CAMK2B: variants seen among roughly 807,000 people sequenced by gnomAD.
CAMK2B encodes the protein calcium/calmodulin dependent protein kinase II beta.
CAMK2B carries 27 observed loss-of-function variants against 93.7 expected under a neutral mutation model. The observed-to-expected ratio is 0.29, with a 90% confidence interval of 0.21 to 0.40. The LOEUF is 0.40. Ranked by LOEUF, CAMK2B falls within the 10% of genes least tolerant of loss-of-function variation. The pLI is 1.00. For missense variants in CAMK2B, 568 were observed against 895.8 expected, an observed-to-expected ratio of 0.63 and a Z score of 4.67; for synonymous variants, 374 against 358.8, an observed-to-expected ratio of 1.04 and a Z score of -0.48.
At chr7:44,237,318 G>C (rs1007035116) in intron 13 of CAMK2B, among the ~76,000 whole-genome samples, 4 of 152,202 alleles carry the variant, frequency 2.6e-5, no homozygotes, top group Non-Finnish European at 5.9e-5. Flanking sequence ...TACTGGAGAT[G>C]TACCACAGCA....
At chr7:44,297,862 G>A (rs1045338801) in intron 1 of CAMK2B, among the ~76,000 whole-genome samples, 1 of 152,228 alleles carries the variant, frequency 6.6e-6, no homozygotes, top group Non-Finnish European at 1.5e-5. Flanking sequence ...AGTGCCTCAC[G>A]TCTGTAATCC....
intron 1 of CAMK2B, among the ~76,000 whole-genome samples, chr7:44,302,405 G>T (rs994157468): frequency 2.0e-5 from 3 of 152,076 alleles, no homozygotes; most frequent in Non-Finnish European, 4.4e-5. Context: ...ATTCTATGAG[G>T]CTAGCATTAC....
At chr7:44,318,084 C>T (rs1417003145) in intron 1 of CAMK2B, among the ~76,000 whole-genome samples, 1 of 152,224 alleles carries the variant, frequency 6.6e-6, no homozygotes, top group Non-Finnish European at 1.5e-5. Flanking sequence ...CTGCTCCTAA[C>T]CAGACTCCTA....
At chr7:44,282,930 G>A (rs953639081) in intron 2 of CAMK2B, among the ~76,000 whole-genome samples, 5 of 152,230 alleles carry the variant, frequency 3.3e-5, no homozygotes, top group African/African-American at 4.8e-5. Flanking sequence ...AAGGCTGCTG[G>A]TGGTGCCCTG....
chr7:44,221,461 AGGCC>A (rs1225524544), intron 20 of CAMK2B, among the ~76,000 whole-genome samples: 2 of 149,842 alleles, frequency 1.3e-5, no homozygotes, highest in Non-Finnish European at 2.9e-5. Context: ...GGCCACCCGG[AGGCC>A]GGGGAGGAGG....
chr7:44,226,392 C>G (rs2096478760), intron 20 of CAMK2B, 124 bp downstream of exon 20: 1 of 767,960 alleles, frequency 1.3e-6, no homozygotes, highest in Non-Finnish European at 1.9e-6. Context: ...TGGGACCCAG[C>G]AGAGGGATCC....
intron 11 of CAMK2B, 112 bp downstream of exon 11, chr7:44,241,588 G>A (rs2096679213): frequency 2.6e-6 from 2 of 783,056 alleles, no homozygotes; most frequent in Non-Finnish European, 4.4e-6. Flanking sequence ...AGTCAGTCTT[G>A]GGGGCAGCAG....
chr7:44,256,288 C>T (rs1244930833), intron 4 of CAMK2B, among the ~76,000 whole-genome samples: 1 of 152,236 alleles, frequency 6.6e-6, no homozygotes, highest in African/African-American at 2.4e-5. Context: ...CACGTGTTCA[C>T]ATGTGTGGAT....
At chr7:44,262,850 G>A (rs1208271452) in intron 3 of CAMK2B, among the ~76,000 whole-genome samples, 155 bp downstream of exon 3, 2 of 152,222 alleles carry the variant, frequency 1.3e-5, no homozygotes, top group Non-Finnish European at 2.9e-5. Flanking sequence ...GGGGAGAAGA[G>A]GGGGCGTCCT....
intron 18 of CAMK2B, 26 bp from the exon 19 acceptor site, chr7:44,228,950 A>T (rs372812560): frequency 3.6e-4 from 572 of 1,606,002 alleles, no homozygotes; most frequent in Non-Finnish European, 4.6e-4. Flanking sequence ...TGAGACGTGA[A>T]CATGAGGCAG....
chr7:44,316,115 G>A (rs939239996), intron 1 of CAMK2B, among the ~76,000 whole-genome samples: 1 of 152,142 alleles, frequency 6.6e-6, no homozygotes, highest in Non-Finnish European at 1.5e-5. Context: ...GGAAAGAGCA[G>A]ATACATTCAG....
At position 44,230,997 on chromosome 7, in the gene CAMK2B, T is replaced by C; in HGVS notation, c.1225+9A>G. On this transcript the variant is annotated intron_variant, in intron 17 of 23. Coordinates refer to ENST00000395749, the MANE Select transcript of CAMK2B (RefSeq NM_001220.5). ...GCCGCTGGGGGGGCAAGGACTCAAG[T>C]GCAGGTACCTTTAGCGTCTTCATCC... The C allele has an allele frequency of 1.3e-6, 2 of 1,552,838 alleles. No individual in the cohort carries two copies. Among genetic ancestry groups the C allele is most frequent in the Non-Finnish European group, 1.7e-6 (2 of 1,147,790 alleles).
At chr7:44,275,644 C>T (rs1052079157) in intron 2 of CAMK2B, among the ~76,000 whole-genome samples, 6 of 152,230 alleles carry the variant, frequency 3.9e-5, no homozygotes, top group East Asian at 1.9e-4. Context: ...GTGTGTCCCA[C>T]GCAATTTGGG....
At chr7:44,290,791 G>A (rs1362435530) in intron 1 of CAMK2B, among the ~76,000 whole-genome samples, 1 of 152,092 alleles carries the variant, frequency 6.6e-6, no homozygotes, top group African/African-American at 2.4e-5. Flanking sequence ...AGGTTGTTGT[G>A]GGTTTTTTCT....
intron 18 of CAMK2B, 78 bp from the exon 19 acceptor site, chr7:44,229,002 G>C: frequency 7.2e-7 from 1 of 1,389,310 alleles, no homozygotes; most frequent in Non-Finnish European, 1.0e-6. Flanking sequence ...AGGCCAGTGG[G>C]AGGGGTCCCG....
Position 44,228,863 on chromosome 7 carries a change from C to A in CAMK2B, c.1401G>T (p.Glu467Asp), listed in dbSNP as rs1466230358. ...VRRGSGTPEA[E>D]GPLSAGPPPC... ...GCGGGGGCCCCGCTGAGAGGGGGCC[C>A]TCGGCTTCTGGGGTTCCTGAACCCC... is the stretch of plus-strand genomic sequence containing the variant. Residue 467 changes from glutamate (E) to aspartate (D), a missense_variant, in exon 19 of 24, where the codon GAG becomes GAT. Glu to Asp is a conservative substitution (Grantham distance 45). Coordinates refer to ENST00000395749, the MANE Select transcript of CAMK2B (RefSeq NM_001220.5). 3 of 1,542,054 alleles carry A rather than the reference C, an allele frequency of 1.9e-6. No individual in the cohort carries two copies. The South Asian group carries it at 3.7e-5, about 19-fold the overall frequency.
Position 44,229,422 on chromosome 7 carries a change from TGGGCA to T in CAMK2B, c.1300_1304del (p.Cys434IlefsTer6), listed in dbSNP as rs753322867. 1 of 1,495,814 alleles carries T rather than the reference TGGGCA, an allele frequency of 6.7e-7. No individual in the cohort carries two copies. Among genetic ancestry groups the T allele is most frequent in the East Asian group, 2.7e-5 (1 of 37,494 alleles). The allele number at this position is 1,495,814 out of a possible 1,614,324, so 92.7% of individuals were successfully genotyped here. A position where few individuals can be genotyped will look rare whatever the true frequency, so the allele number is the denominator to read the frequency against. ...GCAGGGGGCTAAAGGGAGCCGGAGA[TGGGCA>T]GGGCAGGGGCCCCTCGGCTTCTGGG... On this transcript the variant is annotated frameshift_variant, in exon 18 of 24. Coordinates refer to ENST00000395749, the MANE Select transcript of CAMK2B (RefSeq NM_001220.5). LOFTEE classifies it high-confidence loss of function.
chr7:44,227,769 G>GGTATGGGGGGGAC (rs1491318637), intron 19 of CAMK2B, among the ~76,000 whole-genome samples: 2 of 27,820 alleles, frequency 7.2e-5, no homozygotes, highest in Admixed American at 3.4e-4. Flanking sequence ...GGGACAGAGG[G>GGTATGGGGGGGAC]AGAGTCTGGG....
At chr7:44,314,547 G>A (rs900264811) in intron 1 of CAMK2B, among the ~76,000 whole-genome samples, 1 of 152,144 alleles carries the variant, frequency 6.6e-6, no homozygotes, top group Non-Finnish European at 1.5e-5. Flanking sequence ...GTGGACATCT[G>A]GGCTGTTTCT....
Sources: gnomAD v4.1 joint callset for allele counts (sites outside exome capture counted in the v4.1 genomes callset) on GRCh38, gnomAD v4.1.1 for gene constraint, MANE v1.5 for transcripts, NCBI Gene and HGNC (gene_info 2026-07-23, HGNC 2026-07-21) for gene names.